Variants in ITCH observed in about 807,000 individuals in gnomAD.
ITCH encodes the protein itchy E3 ubiquitin protein ligase.
ITCH carries 28 observed loss-of-function variants against 126.8 expected under a neutral mutation model. That is an observed-to-expected ratio of 0.22 (90% CI 0.16 to 0.30). ITCH has a LOEUF of 0.30. ITCH is among the 10% of genes least tolerant of loss of function. The pLI, the probability that ITCH is intolerant of heterozygous loss-of-function variation, is 1.00. For synonymous variants in ITCH, 342 were observed against 340.0 expected, an observed-to-expected ratio of 1.01 and a Z score of -0.06; for missense variants, 631 against 1,032.4, an observed-to-expected ratio of 0.61 and a Z score of 5.33.
chr20:34,505,335 C>G (rs1223508193), intron 24 of ITCH, among the ~76,000 whole-genome samples: 1 of 152,078 alleles, frequency 6.6e-6, no homozygotes, highest in Non-Finnish European at 1.5e-5. Context: ...TGAGCTGCCG[C>G]ATCTGGCCTG....
At chr20:34,403,576 G>A (rs987689403) in intron 3 of ITCH, among the ~76,000 whole-genome samples, 1 of 152,138 alleles carries the variant, frequency 6.6e-6, no homozygotes, top group African/African-American at 2.4e-5. Context: ...GAGTGCTCCA[G>A]AAATTGTAAA....
At chr20:34,448,819 C>A (rs867026202) in intron 11 of ITCH, among the ~76,000 whole-genome samples, 66 of 152,080 alleles carry the variant, frequency 4.3e-4, no homozygotes, top group African/African-American at 1.6e-3. Flanking sequence ...TCTTATCTAG[C>A]CAAATCTTTC....
intron 6 of ITCH, 24 bp downstream of exon 6, chr20:34,413,903 C>A: frequency 6.4e-7 from 1 of 1,574,686 alleles, no homozygotes; most frequent in Non-Finnish European, 8.7e-7. Flanking sequence ...TTTTTAAGGT[C>A]TTTAATGATT....
intron 20 of ITCH, among the ~76,000 whole-genome samples, chr20:34,483,500 G>C (rs139972541): frequency 1.8e-4 from 27 of 152,162 alleles, no homozygotes; most frequent in Middle Eastern, 3.4e-3. Flanking sequence ...TCTAGCACAG[G>C]GGCAAAATGC....
At chr20:34,395,771 CATT>C (rs1429657188) in intron 3 of ITCH, among the ~76,000 whole-genome samples, 4 of 152,122 alleles carry the variant, frequency 2.6e-5, no homozygotes, top group African/African-American at 9.7e-5. Flanking sequence ...TAGCATGTAT[CATT>C]ACTTAATTCC....
chr20:34,449,455 T>C lies in ITCH; in HGVS notation c.1185T>C (p.Pro395=). 1 of 1,611,864 alleles carries C rather than the reference T, an allele frequency of 6.2e-7. No individual in the cohort carries two copies. The highest frequency in any genetic ancestry group is 8.5e-7 in the Non-Finnish European group (1 of 1,178,116). ...CATCACAAAGTAAAGAATTTGATCCTCTTGGTCCATTGCCACCTGGATGGG... is the reference window on the plus strand; with the variant it reads ...CATCACAAAGTAAAGAATTTGATCCCCTTGGTCCATTGCCACCTGGATGGG... ...FATSQSKEFD[P]LGPLPPGWEK... The change falls in exon 12 of 25, where the codon CCT becomes CCC. Residue 395 remains proline, a synonymous_variant. Coordinates refer to ENST00000374864, the MANE Select transcript of ITCH (RefSeq NM_031483.7).
Position 34,508,075 on chromosome 20 carries a change from C to A in ITCH, c.*281C>A. 2.5e-6 allele frequency: 1 copy of A among 396,424 alleles called. No homozygotes were observed. Among genetic ancestry groups the A allele is most frequent in the Non-Finnish European group, 4.8e-6 (1 of 208,836 alleles). 24.6% of individuals were successfully genotyped at this position (396,424 alleles called of 1,614,324 possible). A position where few individuals can be genotyped will look rare whatever the true frequency, so the allele number is the denominator to read the frequency against. ...TTCCACTAGTTTATTCCTTTAACAA[C>A]AATATTTTATGTGTGTCAAAAGTCT... On this transcript the variant is annotated 3_prime_UTR_variant, in exon 25 of 25. Coordinates refer to ENST00000374864, the MANE Select transcript of ITCH (RefSeq NM_031483.7).
intron 10 of ITCH, among the ~76,000 whole-genome samples, chr20:34,444,397 A>G (rs1225275788): frequency 1.3e-5 from 2 of 152,162 alleles, no homozygotes; most frequent in African/African-American, 4.8e-5. Flanking sequence ...CCGCCTGACC[A>G]ACATGGAGAA....
At chr20:34,418,023 A>G (rs968565524) in intron 6 of ITCH, among the ~76,000 whole-genome samples, 6 of 149,924 alleles carry the variant, frequency 4.0e-5, no homozygotes, top group Middle Eastern at 3.4e-3. Flanking sequence ...GTGGAGTGCA[A>G]TGGTGTCATC....
intron 2 of ITCH, among the ~76,000 whole-genome samples, chr20:34,389,896 G>A (rs1172931019): frequency 6.6e-6 from 1 of 152,174 alleles, no homozygotes; most frequent in Non-Finnish European, 1.5e-5. Flanking sequence ...CAAGGTGGGT[G>A]GATCATTTGA....
intron 16 of ITCH, among the ~76,000 whole-genome samples, chr20:34,475,249 T>G (rs1416329140): frequency 1.2e-4 from 18 of 150,890 alleles, no homozygotes; most frequent in East Asian, 9.8e-4. Context: ...TTCCCAGACG[T>G]GGTGGCGGCC....
chr20:34,479,961 C>T (rs147476498), intron 18 of ITCH, among the ~76,000 whole-genome samples, 172 bp downstream of exon 18: 3 of 152,202 alleles, frequency 2.0e-5, no homozygotes, highest in Non-Finnish European at 2.9e-5. Flanking sequence ...TACAGTGACA[C>T]GATCTTGGCT....
chr20:34,507,104 A>ATT (rs1990663925), intron 24 of ITCH, among the ~76,000 whole-genome samples: 1 of 152,006 alleles, frequency 6.6e-6, no homozygotes, highest in Non-Finnish European at 1.5e-5. Flanking sequence ...CCAGAGGTGG[A>ATT]ATTCCTTGAT....
chr20:34,424,391 G>A, intron 6 of ITCH, 89 bp from the exon 7 acceptor site: 1 of 923,326 alleles, frequency 1.1e-6, no homozygotes, highest in Non-Finnish European at 1.8e-6. Context: ...TTTAATAAAA[G>A]GCTTTGCTTA....
At chr20:34,385,180 G>A (rs2038226538) in intron 2 of ITCH, among the ~76,000 whole-genome samples, 1 of 143,148 alleles carries the variant, frequency 7.0e-6, no homozygotes, top group Non-Finnish European at 1.5e-5. Flanking sequence ...ACCACGTCCA[G>A]CTAATTTTAT....
intron 12 of ITCH, chr20:34,454,345 G>C (rs556247391): frequency 6.6e-6 from 1 of 152,010 alleles, no homozygotes; most frequent in East Asian, 1.9e-4. Context: ...CATTGTGTTA[G>C]CCAGGATGGT....
At chr20:34,375,726 T>C (rs1245060878) in intron 2 of ITCH, among the ~76,000 whole-genome samples, 3 of 140,064 alleles carry the variant, frequency 2.1e-5, no homozygotes, top group African/African-American at 8.2e-5. Context: ...TTTTTTTTTT[T>C]TTTTTACCAG....
At chr20:34,490,010 T>TACATTTTGACCTGTGA in intron 22 of ITCH, 84 bp downstream of exon 22, 4 of 925,744 alleles carry the variant, frequency 4.3e-6, no homozygotes, top group Non-Finnish European at 7.0e-6. Flanking sequence ...GAGTCACAGG[T>TACATTTTGACCTGTGA]CAAAATGTAC....
At chr20:34,486,079 G>A (rs1433880803) in intron 20 of ITCH, among the ~76,000 whole-genome samples, 3 of 152,028 alleles carry the variant, frequency 2.0e-5, no homozygotes, top group Non-Finnish European at 2.9e-5. Context: ...TAGTGGTAGA[G>A]TCATGGTTCA....
Sources: allele counts gnomAD v4.1 joint callset (sites outside exome capture counted in the v4.1 genomes callset), GRCh38; gene constraint gnomAD v4.1.1; transcripts MANE v1.5; gene names NCBI Gene and HGNC (gene_info 2026-07-23, HGNC 2026-07-21).